PAAF1: variants seen among roughly 807,000 people sequenced by gnomAD.
PAAF1 encodes proteasomal ATPase associated factor 1, also known as proteasomal ATPase-associated factor 1.
PAAF1 carries 46 observed loss-of-function variants against 52.8 expected under a neutral mutation model. That is an observed-to-expected ratio of 0.87 (90% CI 0.69 to 1.11). The LOEUF is 1.11. Among genes scored for constraint, PAAF1 ranks in the 50% most tolerant of loss-of-function variants. The pLI is 0.00. For synonymous variants in PAAF1, 178 were observed against 172.8 expected (o/e 1.03, Z -0.24); for missense variants, 424 against 477.4 (o/e 0.89, Z 1.04).
At chr11:73,925,069 C>G (rs1196844536) in intron 11 of PAAF1, among the ~76,000 whole-genome samples, 1 of 149,846 alleles carries the variant, frequency 6.7e-6, no homozygotes, top group East Asian at 2.0e-4. Flanking sequence ...GCAGGAGAAT[C>G]GCTTGAACCT....
intron 4 of PAAF1, among the ~76,000 whole-genome samples, chr11:73,895,223 A>G (rs1667994298): frequency 6.6e-6 from 1 of 152,206 alleles, no homozygotes; most frequent in Admixed American, 6.5e-5. Flanking sequence ...GGATGATTCA[A>G]AAAATTTTGG....
chr11:73,890,997 G>A (rs746362925), intron 3 of PAAF1, 115 bp from the exon 4 acceptor site: 56 of 652,798 alleles, frequency 8.6e-5, no homozygotes, highest in Non-Finnish European at 1.4e-4. Context: ...AACGAGAGAG[G>A]GTACACTGAG....
chr11:73,890,585 A>G (rs2135145286), intron 3 of PAAF1, among the ~76,000 whole-genome samples: 1 of 152,328 alleles, frequency 6.6e-6, no homozygotes, highest in South Asian at 2.1e-4. Context: ...ACCATAATTT[A>G]CTTTACCAAT....
chr11:73,885,261 C>T (rs549635442), intron 2 of PAAF1, among the ~76,000 whole-genome samples: 11 of 151,954 alleles, frequency 7.2e-5, no homozygotes, highest in East Asian at 5.9e-4. Flanking sequence ...GCTTCAGCCT[C>T]CTGAGTATCA....
At chr11:73,884,192 T>C (rs1432731419) in intron 2 of PAAF1, among the ~76,000 whole-genome samples, 3 of 152,132 alleles carry the variant, frequency 2.0e-5, no homozygotes, top group Non-Finnish European at 4.4e-5. Context: ...GAGGTCATTT[T>C]AGTGACTTCA....
In PAAF1 at chr11:73,918,108, C is replaced by T. The variant is rs145793470; in HGVS notation, c.936-842C>T. The stretch of plus-strand genomic sequence containing the variant: ...GCCAAGTAAAGAAGGAGGAAAAGAG[C>T]TGGCCTCGGTAGAATCCCATGTATA... On this transcript the variant is annotated intron_variant, in intron 9 of 11. Transcript: ENST00000310571. Among the ~76,000 whole-genome samples, 123 of 152,256 alleles carry T rather than the reference C, an allele frequency of 8.1e-4. 1 individual carries two copies. The highest frequency in any genetic ancestry group is 1.4e-3 in the Non-Finnish European group (97 of 68,036).
intron 5 of PAAF1, 40 bp from the exon 6 acceptor site, chr11:73,900,230 G>A: frequency 6.4e-7 from 1 of 1,555,948 alleles, no homozygotes; most frequent in African/African-American, 1.4e-5. Flanking sequence ...TCAAGGGATG[G>A]ACAAGAGAAC....
At chr11:73,926,435 G>A (rs933883817) in intron 11 of PAAF1, among the ~76,000 whole-genome samples, 4 of 152,108 alleles carry the variant, frequency 2.6e-5, no homozygotes, top group African/African-American at 4.8e-5. Flanking sequence ...GTAGTGTTCC[G>A]GCCGGGCGTG....
At chr11:73,882,846 G>A (rs769718630) in intron 2 of PAAF1, among the ~76,000 whole-genome samples, 37 of 151,748 alleles carry the variant, frequency 2.4e-4, no homozygotes, top group Non-Finnish European at 4.3e-4. Context: ...CTTGAGATCC[G>A]CCCACCTCGG....
At chr11:73,877,348 T>C (rs986730049) in intron 1 of PAAF1, 17 of 311,882 alleles carry the variant, frequency 5.5e-5, no homozygotes, top group African/African-American at 3.2e-4. Flanking sequence ...GCAGGAAGGC[T>C]TTTGGCCAAG....
At chr11:73,884,763 G>C (rs868296587) in intron 2 of PAAF1, among the ~76,000 whole-genome samples, 24 of 152,308 alleles carry the variant, frequency 1.6e-4, no homozygotes, top group Middle Eastern at 6.8e-3. Context: ...GAGTTTCTCT[G>C]GGATTTATCC....
intron 3 of PAAF1, chr11:73,889,124 G>A: frequency 7.3e-7 from 1 of 1,373,040 alleles, no homozygotes; most frequent in Middle Eastern, 1.8e-4. Flanking sequence ...TTTCCCAGGT[G>A]TTTTGGCACA....
chr11:73,881,390 A>G (rs1302896928), intron 2 of PAAF1, among the ~76,000 whole-genome samples: 1 of 152,158 alleles, frequency 6.6e-6, no homozygotes, highest in Non-Finnish European at 1.5e-5. Flanking sequence ...GGTTCAAGGG[A>G]TTCTTGTGCC....
rs1202491062 is a variant in PAAF1, at chr11:73,880,493, A to G, written c.88+1674A>G. 5 of 150,662 alleles carry G rather than the reference A, an allele frequency of 3.3e-5. No homozygotes were observed. In the East Asian group the frequency reaches 9.7e-4, roughly 29 times the overall value. The allele number at this position is 150,662 out of a possible 1,614,324, so 9.3% of individuals were successfully genotyped here. On this transcript the variant is annotated intron_variant, in intron 2 of 11. Transcript: ENST00000310571. ...AACCCTGTCTCAGTTAAAAAAAAAA[A>G]AAAAAGCCAGGTGCGGTGGCTCTAC...
At chr11:73,916,926 T>C (rs1950081367) in intron 9 of PAAF1, among the ~76,000 whole-genome samples, 1 of 152,218 alleles carries the variant, frequency 6.6e-6, no homozygotes, top group Non-Finnish European at 1.5e-5. Context: ...TTCATTTAAA[T>C]TGATTGTCTA....
chr11:73,889,140 G>C (rs1949137046), intron 3 of PAAF1: 1 of 1,470,034 alleles, frequency 6.8e-7, no homozygotes, highest in Admixed American at 2.0e-5. Flanking sequence ...GCACAGCCTG[G>C]GTGCTGACTT....
intron 5 of PAAF1, 44 bp downstream of exon 5, chr11:73,899,288 G>C: frequency 6.8e-7 from 1 of 1,479,972 alleles, no homozygotes. Flanking sequence ...CACAAAGGGT[G>C]GTCTGAGAAG....
At position 73,913,765 on chromosome 11, in the gene PAAF1, G is replaced by A. The variant is rs79797445; in HGVS notation, c.728-648G>A. On this transcript the variant is annotated intron_variant, in intron 7 of 11. Transcript: ENST00000310571. ...TAGGCCCTAAAGAAATATTTGGTGA[G>A]TAAATGAATAAATTTCATTTTCTCT... Among the ~76,000 whole-genome samples, 827 of 152,216 alleles carry A rather than the reference G, an allele frequency of 5.4e-3. 7 individuals are homozygous for A. The highest frequency in any genetic ancestry group is 0.018 in the African/African-American group (742 of 41,518).
intron 4 of PAAF1, among the ~76,000 whole-genome samples, chr11:73,895,314 GT>G (rs909792933): frequency 7.9e-5 from 12 of 152,150 alleles, no homozygotes; most frequent in Admixed American, 7.9e-4. Context: ...GGAAATAAAA[GT>G]TTTCTTTGGA....
Sources: gnomAD v4.1 joint callset for allele counts (sites outside exome capture counted in the v4.1 genomes callset) on GRCh38, gnomAD v4.1.1 for gene constraint, MANE v1.5 for transcripts, NCBI Gene and HGNC (gene_info 2026-07-23, HGNC 2026-07-21) for gene names.